The following INCA1 variants were observed in gnomAD, a reference collection of about 807,000 sequenced individuals.
INCA1 encodes protein INCA1.
INCA1 carries 28 observed loss-of-function variants against 25.7 expected under a neutral mutation model. That is an observed-to-expected ratio of 1.09 (90% CI 0.81 to 1.49). The LOEUF (loss-of-function observed/expected upper bound fraction) is 1.49, where lower values mean the gene tolerates loss of function less well. Among genes scored for constraint, INCA1 ranks in the 40% most tolerant of loss-of-function variants. The pLI is 0.00. For synonymous variants in INCA1, 111 were observed against 103.6 expected (o/e 1.07, Z -0.43); for missense variants, 309 against 290.9 (o/e 1.06, Z -0.45).
exon 6 of INCA1, chr17:4,988,900 G>A (rs1973581507): frequency 6.2e-7 from 1 of 1,614,190 alleles, no homozygotes; most frequent in East Asian, 2.2e-5. Flanking sequence ...AAGCACCACT[G>A]GCTCAGATGC....
Position 4,989,026 on chromosome 17 carries a change from A to G in INCA1, c.396-82T>C. On this transcript the variant is annotated intron_variant, in intron 5 of 6. Transcript: ENST00000576820. The stretch of plus-strand genomic sequence containing the variant: ...CCATTCTTCACCTTTCTGTTCTGAA[A>G]TACTTCCTGCTGGGACTCCAGGGAG... 4 of 1,414,708 alleles carry G rather than the reference A, an allele frequency of 2.8e-6. No individual in the cohort carries two copies. In the South Asian group the frequency reaches 5.4e-5, roughly 19 times the overall value. 87.6% of individuals were successfully genotyped at this position (1,414,708 alleles called of 1,614,324 possible).
chr17:4,991,374 G>T (rs1432165580), intron 2 of INCA1, among the ~76,000 whole-genome samples: 1 of 152,174 alleles, frequency 6.6e-6, no homozygotes, highest in East Asian at 1.9e-4. Flanking sequence ...GGCTACTCAG[G>T]TTATATGACA....
At chr17:4,994,705 G>A (rs111676931) in intron 1 of INCA1, among the ~76,000 whole-genome samples, 3,890 of 147,840 alleles carry the variant, frequency 0.026, 155 homozygotes, top group African/African-American at 0.085. Flanking sequence ...CAGAAGAATC[G>A]CTTGAACCTG....
At chr17:4,995,555 G>A (rs949667688) in intron 1 of INCA1, among the ~76,000 whole-genome samples, 2 of 152,164 alleles carry the variant, frequency 1.3e-5, no homozygotes, top group Admixed American at 6.5e-5. Flanking sequence ...AGCACTTTGC[G>A]GGGCTGGGGC....
At position 4,989,204 on chromosome 17, in the gene INCA1, T is replaced by C. The variant is rs562043953; in HGVS notation, c.395+224A>G. On this transcript the variant is annotated intron_variant, in intron 5 of 6. Coordinates refer to ENST00000576820, the Ensembl canonical transcript of INCA1. ...TCTTCAGTGATCTAGTTTCCACTCC[T>C]TCCAGCTCATGTGGCTCATCCTCCT... Among the ~76,000 whole-genome samples, 350 of 152,318 alleles carry C rather than the reference T, an allele frequency of 2.3e-3. 1 individual carries two copies. Among genetic ancestry groups the C allele is most frequent in the African/African-American group, 7.6e-3 (316 of 41,560 alleles).
chr17:4,994,206 C>T (rs896107611), intron 2 of INCA1, among the ~76,000 whole-genome samples, 188 bp downstream of exon 2: 1 of 152,294 alleles, frequency 6.6e-6, no homozygotes, highest in Middle Eastern at 3.4e-3. Flanking sequence ...ATCCCCAGTG[C>T]CTAATACAGT....
intron 2 of INCA1, 136 bp downstream of exon 2, chr17:4,994,258 T>C: frequency 2.5e-6 from 2 of 809,886 alleles, no homozygotes; most frequent in Non-Finnish European, 4.1e-6. Flanking sequence ...TTGAATAAAT[T>C]AATGAATCAT....
Position 4,988,772 on chromosome 17 carries a change from A to G in INCA1, c.561+7T>C, listed in dbSNP as rs1383872079. On this transcript the variant is annotated splice_region_variant and intron_variant, in intron 6 of 6. Transcript: ENST00000576820. ...CCTCACTCCACCCAGTTCCACTCCA[A>G]CAATACCTGGGCCCTGCCAGGAGTG... The G allele has an allele frequency of 6.2e-7, 1 of 1,614,096 alleles. No homozygotes were observed. The highest frequency in any genetic ancestry group is 1.7e-5 in the Admixed American group (1 of 60,012).
At chr17:4,994,367 T>C (rs369345716) in intron 2 of INCA1, 27 bp downstream of exon 2, 271 of 1,611,350 alleles carry the variant, frequency 1.7e-4, no homozygotes, top group Non-Finnish European at 2.2e-4. Flanking sequence ...CCCATCCCCA[T>C]GCTCCCCACC....
At chr17:4,988,426 C>G in exon 7 of INCA1, 5 of 1,609,300 alleles carry the variant, frequency 3.1e-6, no homozygotes, top group Non-Finnish European at 4.2e-6. Context: ...ACGCTGCCAA[C>G]TCCATCCCCC....
chr17:4,988,131 CCA>C (rs1295583630), downstream of INCA1: 1 of 350,264 alleles, frequency 2.9e-6, no homozygotes, highest in Admixed American at 4.7e-5. Context: ...AACTCGGGCT[CCA>C]CTTGCTTGCT....
chr17:4,997,052 A>G (rs1288229103), upstream of INCA1: 1 of 153,076 alleles, frequency 6.5e-6, no homozygotes, highest in Non-Finnish European at 1.5e-5. Context: ...AGGATCCTCC[A>G]CAGTTGACTT....
chr17:4,990,830 T>C (rs113674559), intron 2 of INCA1, among the ~76,000 whole-genome samples: 103,323 of 148,564 alleles, frequency 0.7, 36,478 homozygotes, highest in Admixed American at 0.77. Context: ...TTGCAGTGAG[T>C]CGAAATCGCG....
At chr17:4,991,964 C>T (rs983282966) in intron 2 of INCA1, among the ~76,000 whole-genome samples, 2 of 152,112 alleles carry the variant, frequency 1.3e-5, no homozygotes, top group African/African-American at 2.4e-5. Context: ...CTCTTCCCCC[C>T]GTCTCTGCTT....
chr17:4,990,377 C>T lies in INCA1; in HGVS notation c.45-112G>A, dbSNP rs78615017. 1,981 of 1,253,432 alleles carry T rather than the reference C, an allele frequency of 1.6e-3. 28 individuals are homozygous for T. The African/African-American group carries it at 0.026, about 16-fold the overall frequency. 77.6% of individuals were successfully genotyped at this position (1,253,432 alleles called of 1,614,324 possible). ...GGGACTATAAAGCTGCCCAGGTTCC[C>T]TCGGGCCATGTCCTCTCTTAACCAC... On this transcript the variant is annotated intron_variant, in intron 2 of 6. Transcript: ENST00000576820.
rs1973780050 is a variant in INCA1 at position 4,990,275 on chromosome 17, G to C, written c.45-10C>G. On this transcript the variant is annotated splice_polypyrimidine_tract_variant and intron_variant, in intron 2 of 6. Coordinates refer to ENST00000576820, the Ensembl canonical transcript of INCA1. ...GACCACCCTGGAACACCTGAGGTGA[G>C]GACAAGGTAGGCTCGGGTCTGGCTC... 3.1e-6 allele frequency: 5 copies of C among 1,609,674 alleles called. No individual in the cohort carries two copies. Among genetic ancestry groups the C allele is most frequent in the Non-Finnish European group, 4.2e-6 (5 of 1,177,738 alleles).
chr17:4,992,880 TTTTG>T (rs1973969072), intron 2 of INCA1, among the ~76,000 whole-genome samples: 1 of 151,686 alleles, frequency 6.6e-6, no homozygotes, highest in South Asian at 2.1e-4. Context: ...TAGCATAGTG[TTTTG>T]TTTTTGTTTT....
At chr17:4,989,711 G>T in intron 4 of INCA1, 87 bp from the exon 5 acceptor site, 1 of 1,564,322 alleles carries the variant, frequency 6.4e-7, no homozygotes, top group Non-Finnish European at 8.8e-7. Flanking sequence ...GGAGTCTGGG[G>T]TCTTGGGAAG....
chr17:4,996,767 G>A (rs1175257900), intron 1 of INCA1: 1 of 152,408 alleles, frequency 6.6e-6, no homozygotes, highest in Non-Finnish European at 1.5e-5. Context: ...CTGTAGAGGT[G>A]AACTAGTATT....
Sources: allele counts gnomAD v4.1 joint callset (sites outside exome capture counted in the v4.1 genomes callset), GRCh38; gene constraint gnomAD v4.1.1; transcripts MANE v1.5; gene names NCBI Gene and HGNC (gene_info 2026-07-23, HGNC 2026-07-21).